The following NFYA variants were observed in gnomAD, a reference collection of about 807,000 sequenced individuals.
NFYA encodes the protein nuclear transcription factor Y subunit alpha.
NFYA carries 28 observed loss-of-function variants against 52.8 expected under a neutral mutation model. That is an observed-to-expected ratio of 0.53 (90% CI 0.39 to 0.73). NFYA has a LOEUF of 0.73. Ranked by LOEUF, NFYA falls within the 30% of genes least tolerant of loss-of-function variation. The probability of loss-of-function intolerance (pLI) is 0.00; values close to 1 mark genes in which losing one functional copy is unlikely to be tolerated. For synonymous variants in NFYA, 150 were observed against 150.7 expected (o/e 1.00, Z 0.03); for missense variants, 234 against 427.0 (o/e 0.55, Z 3.98).
At chr6:41,091,503 T>C in intron 6 of NFYA, 25 bp from the exon 7 acceptor site, 2 of 1,609,224 alleles carry the variant, frequency 1.2e-6, no homozygotes. Context: ...GTTTTTTGTT[T>C]GTTTTATGTT....
chr6:41,090,412 A>T, intron 6 of NFYA, 103 bp downstream of exon 6: 1 of 594,794 alleles, frequency 1.7e-6, no homozygotes, highest in Non-Finnish European at 3.0e-6. Context: ...GACACTACAT[A>T]TTTTTTGGAC....
chr6:41,077,649 T>C (rs1426537340), intron 1 of NFYA, among the ~76,000 whole-genome samples: 20 of 152,232 alleles, frequency 1.3e-4, no homozygotes, highest in Admixed American at 1.3e-3. Context: ...CCAGAATCTC[T>C]GAGGAGCAGA....
At chr6:41,091,264 A>G (rs1764191516) in intron 6 of NFYA, among the ~76,000 whole-genome samples, 2 of 152,256 alleles carry the variant, frequency 1.3e-5, no homozygotes, top group African/African-American at 4.8e-5. Flanking sequence ...GAGGCCTCCA[A>G]ACCTTTTCAC....
intron 9 of NFYA, among the ~76,000 whole-genome samples, chr6:41,094,797 G>A (rs1764302238): frequency 6.6e-6 from 1 of 152,162 alleles, no homozygotes; most frequent in Non-Finnish European, 1.5e-5. Context: ...AAACTAGCCA[G>A]GCCTGGTGAT....
chr6:41,075,631 C>G (rs1763712588), intron 1 of NFYA: 1 of 151,970 alleles, frequency 6.6e-6, no homozygotes, highest in Admixed American at 6.6e-5. Flanking sequence ...TGTAGTACTT[C>G]ACCTTCCTCC....
chr6:41,076,857 A>G (rs553000253), intron 1 of NFYA, among the ~76,000 whole-genome samples: 1 of 152,220 alleles, frequency 6.6e-6, no homozygotes, highest in East Asian at 1.9e-4. Flanking sequence ...TACTGAAGCC[A>G]GTTGCTTATA....
intron 2 of NFYA, 44 bp downstream of exon 2, chr6:41,079,208 A>G (rs368807744): frequency 3.0e-5 from 46 of 1,558,704 alleles, no homozygotes; most frequent in Non-Finnish European, 3.9e-5. Flanking sequence ...AATGAAACTG[A>G]TAACAGCACC....
intron 1 of NFYA, among the ~76,000 whole-genome samples, chr6:41,078,614 A>G (rs1297409317): frequency 6.6e-6 from 1 of 152,206 alleles, no homozygotes; most frequent in Non-Finnish European, 1.5e-5. Flanking sequence ...AATTTTGCCT[A>G]CCATATGTAG....
chr6:41,096,836 T>TA (rs1313518565), intron 9 of NFYA, among the ~76,000 whole-genome samples: 1 of 152,242 alleles, frequency 6.6e-6, no homozygotes, highest in Non-Finnish European at 1.5e-5. Context: ...GCTGGACTCC[T>TA]AACTTTCTGA....
chr6:41,086,664 A>C (rs1401936578), intron 4 of NFYA, among the ~76,000 whole-genome samples: 1 of 152,184 alleles, frequency 6.6e-6, no homozygotes, highest in East Asian at 1.9e-4. Context: ...CTCATGAAAA[A>C]TTCTGCATAT....
intron 8 of NFYA, among the ~76,000 whole-genome samples, chr6:41,093,819 C>G (rs1279356082): frequency 6.6e-6 from 1 of 152,230 alleles, no homozygotes; most frequent in East Asian, 1.9e-4. Context: ...GTACCTTCCA[C>G]TAGCCGGAAT....
chr6:41,076,548 G>C (rs1400484986), intron 1 of NFYA, among the ~76,000 whole-genome samples: 1 of 152,154 alleles, frequency 6.6e-6, no homozygotes. Flanking sequence ...TGGGTTCCTA[G>C]TAAGTGGTTG....
intron 2 of NFYA, among the ~76,000 whole-genome samples, chr6:41,079,669 A>T (rs1281326488): frequency 6.6e-6 from 1 of 152,212 alleles, no homozygotes; most frequent in Admixed American, 6.5e-5. Context: ...CTGCTGGTTT[A>T]TTCCTAATTA....
intron 7 of NFYA, 55 bp from the exon 8 acceptor site, chr6:41,092,857 G>GT: frequency 6.5e-7 from 1 of 1,539,576 alleles, no homozygotes; most frequent in Non-Finnish European, 8.8e-7. Flanking sequence ...CCAAGAAACT[G>GT]TTTCTATGTC....
intron 3 of NFYA, among the ~76,000 whole-genome samples, chr6:41,082,747 TGCAA>T (rs756342880): frequency 1.7e-3 from 259 of 152,364 alleles, no homozygotes; most frequent in Non-Finnish European, 2.8e-3. Flanking sequence ...ATACAGAATA[TGCAA>T]GCATTTGGTG....
Position 41,097,475 on chromosome 6 carries a change from T to C in NFYA, c.*65T>C. The C allele has an allele frequency of 6.6e-7, 1 of 1,523,490 alleles. No homozygotes were observed. Among genetic ancestry groups the C allele is most frequent in the Non-Finnish European group, 9.1e-7 (1 of 1,098,924 alleles). 94.4% of individuals were successfully genotyped at this position (1,523,490 alleles called of 1,614,324 possible). A position where few individuals can be genotyped will look rare whatever the true frequency, so the allele number is the denominator to read the frequency against. On this transcript the variant is annotated 3_prime_UTR_variant, in exon 10 of 10. Transcript: ENST00000341376. ...TCACTGTTCCAGGAAATTGATCAAC[T>C]CTTCCAATGGGACATTGATGATCAC...
intron 4 of NFYA, among the ~76,000 whole-genome samples, chr6:41,085,088 TAGGA>T: frequency 6.6e-6 from 1 of 152,310 alleles, no homozygotes; most frequent in South Asian, 2.1e-4. Flanking sequence ...TATCCACTGT[TAGGA>T]TGGATGTGGA....
chr6:41,093,420 T>G (rs1218693195), intron 8 of NFYA, among the ~76,000 whole-genome samples: 1 of 151,998 alleles, frequency 6.6e-6, no homozygotes, highest in East Asian at 1.9e-4. Flanking sequence ...GGTCCAAGAT[T>G]CCTGCTTAGG....
intron 9 of NFYA, among the ~76,000 whole-genome samples, chr6:41,095,477 T>A (rs914184755): frequency 3.9e-5 from 6 of 152,206 alleles, no homozygotes; most frequent in Non-Finnish European, 8.8e-5. Context: ...TCTTTTCTTT[T>A]TTTGGAGGCA....
Sources: allele counts gnomAD v4.1 joint callset (sites outside exome capture counted in the v4.1 genomes callset), GRCh38; gene constraint gnomAD v4.1.1; transcripts MANE v1.5; gene names NCBI Gene and HGNC (gene_info 2026-07-23, HGNC 2026-07-21).